Variants in CRAMP1 observed in about 807,000 individuals in gnomAD.
CRAMP1 encodes the protein cramped chromatin regulator 1.
A neutral mutation model predicts 115.4 loss-of-function variants in CRAMP1; 50 were observed. The ratio of observed to expected loss-of-function variants is 0.43; its 90% CI spans 0.35 to 0.55. CRAMP1 has a LOEUF of 0.55. CRAMP1 is among the 20% of genes least tolerant of loss of function. CRAMP1 has a pLI of 0.01. For synonymous variants in CRAMP1, 866 were observed against 745.4 expected, an observed-to-expected ratio of 1.16 and a Z score of -2.64; for missense variants, 1,679 against 1,721.7, an observed-to-expected ratio of 0.98 and a Z score of 0.44.
intron 4 of CRAMP1, among the ~76,000 whole-genome samples, chr16:1,633,147 C>G (rs1484537334): frequency 6.6e-6 from 1 of 152,242 alleles, no homozygotes; most frequent in Non-Finnish European, 1.5e-5. Flanking sequence ...CACTGCCACT[C>G]TTTGTGCCCT....
Position 1,666,546 on chromosome 16 carries a change from G to A in CRAMP1, c.2982G>A (p.Ser994=), listed in dbSNP as rs764071385. The change falls in exon 16 of 21, where the codon TCG becomes TCA. Residue 994 remains serine, a synonymous_variant. Coordinates refer to ENST00000397412, the MANE Select transcript of CRAMP1 (RefSeq NM_020825.4). This position sits in a 1 kb window ranked among gnomAD's most constrained non-coding sequence, Gnocchi z 5.0. ...CAGACGAGGTGACGGGTGCCATCTC[G>A]GGGCAGGACTCTACTGGAACTCACC... The part of the protein sequence containing the change: ...LSSDEVTGAI[S]GQDSTGTHQD... 9 of 1,613,932 alleles carry A rather than the reference G, an allele frequency of 5.6e-6. No homozygotes were observed. Among genetic ancestry groups the A allele is most frequent in the East Asian group, 4.5e-5 (2 of 44,868 alleles).
chr16:1,617,933 T>A (rs1194776246), intron 2 of CRAMP1, among the ~76,000 whole-genome samples: 1 of 152,236 alleles, frequency 6.6e-6, no homozygotes, highest in Non-Finnish European at 1.5e-5. Context: ...TGAAGTAGAT[T>A]GTTTAAGTCA....
intron 9 of CRAMP1, 147 bp downstream of exon 9, chr16:1,655,447 C>A (rs898531583): frequency 1.4e-6 from 1 of 712,838 alleles, no homozygotes; most frequent in East Asian, 2.7e-5. Flanking sequence ...GGAACCATAA[C>A]CTGGAGCCCC....
At chr16:1,660,101 G>T (rs987284355) in intron 11 of CRAMP1, 38 bp downstream of exon 11, 2 of 1,468,236 alleles carry the variant, frequency 1.4e-6, no homozygotes, top group African/African-American at 2.8e-5. Flanking sequence ...TGCCTGGGCT[G>T]CCCTGATGGC....
rs369839979 is a variant in CRAMP1 at position 1,672,469 on chromosome 16, G to A, written c.3646-1412G>A. Among the ~76,000 whole-genome samples the A allele has an allele frequency of 6.6e-6, 1 of 152,112 alleles. No homozygotes were observed. Among genetic ancestry groups the A allele is most frequent in the South Asian group, 2.1e-4 (1 of 4,826 alleles). ...GTGGTAGGGCTAGCATGAAGGGGGC[G>A]GGGGTGGAGCTGGGTGGCCCTGGGA... On this transcript the variant is annotated intron_variant, in intron 20 of 20. Coordinates refer to ENST00000397412, the MANE Select transcript of CRAMP1 (RefSeq NM_020825.4). The surrounding 1 kb of genome is among the most constrained non-coding windows in gnomAD (Gnocchi z 4.9).
In CRAMP1 at chr16:1,656,686, G is replaced by T; in HGVS notation, c.1929G>T (p.Lys643Asn). The T allele has an allele frequency of 1.9e-6, 3 of 1,565,274 alleles. No homozygotes were observed. The highest frequency in any genetic ancestry group is 1.9e-5 in the Admixed American group (1 of 52,866). Residue 643 changes from lysine (K) to asparagine (N), a missense_variant, in exon 10 of 21, where the codon AAG (lysine) becomes AAT (asparagine). Around this residue, in one of 8 missense-constraint regions of CRAMP1, gnomAD observed 405 missense variants for 302.6 expected, o/e 1.34. Transcript: ENST00000397412. The surrounding 1 kb of genome is among the most constrained non-coding windows in gnomAD (Gnocchi z 5.6). The part of the protein sequence containing the change: ...ADAPAEELQE[K>N]GSPAGPPPSQ... ...CACCTGCGGAGGAGCTCCAGGAGAA[G>T]GGGAGCCCCGCGGGGCCTCCGCCGT...
In CRAMP1 at chr16:1,633,389, G is replaced by A. The variant is rs1003615280; in HGVS notation, c.694+1024G>A. Among the ~76,000 whole-genome samples, 6 of 152,230 alleles carry A rather than the reference G, an allele frequency of 3.9e-5. No individual in the cohort carries two copies. In the South Asian group the frequency reaches 6.2e-4, roughly 16 times the overall value. ...GAACCTCCACTGGGAGATTGTCACC[G>A]TTTCTGGAGATCCATGGAAACGGCT... On this transcript the variant is annotated intron_variant, in intron 4 of 20. Coordinates refer to ENST00000397412, the MANE Select transcript of CRAMP1 (RefSeq NM_020825.4).
rs903823727 is a variant in CRAMP1, at chr16:1,656,892, G to T, written c.2135G>T (p.Arg712Leu). The T allele has an allele frequency of 6.4e-7, 1 of 1,551,336 alleles. No individual in the cohort carries two copies. The highest frequency in any genetic ancestry group is 8.7e-7 in the Non-Finnish European group (1 of 1,147,712). The change falls in exon 10 of 21, where the codon CGC becomes CTC. Residue 712 changes from arginine to leucine, a missense_variant. This residue lies in a region of CRAMP1 where 709 missense variants were observed against 741.9 expected (regional missense o/e 0.96). Coordinates refer to ENST00000397412, the MANE Select transcript of CRAMP1 (RefSeq NM_020825.4). This position sits in a 1 kb window ranked among gnomAD's most constrained non-coding sequence, Gnocchi z 5.6. ...GAGTACGACTGGCTGGGGCCCGGCC[G>T]CCAGGACCCCCGCCCCGGCTCCCTA... is the stretch of plus-strand genomic sequence containing the variant. ...QLEYDWLGPG[R>L]QDPRPGSLPT... is the part of the protein sequence containing the mutation.
At chr16:1,624,844 A>G (rs1246514030) in intron 2 of CRAMP1, among the ~76,000 whole-genome samples, 1 of 152,092 alleles carries the variant, frequency 6.6e-6, no homozygotes, top group Non-Finnish European at 1.5e-5. Context: ...AGCCTCCCAC[A>G]GTGCTGGGAT....
intron 5 of CRAMP1, among the ~76,000 whole-genome samples, chr16:1,640,837 C>T (rs1452710188): frequency 6.6e-6 from 1 of 152,092 alleles, no homozygotes; most frequent in Non-Finnish European, 1.5e-5. Context: ...GCTGGGGGAC[C>T]TAGGAGGGAG....
intron 6 of CRAMP1, 53 bp from the exon 7 acceptor site, chr16:1,652,443 C>CAA: frequency 6.7e-7 from 1 of 1,485,550 alleles, no homozygotes; most frequent in Non-Finnish European, 9.2e-7. Flanking sequence ...CTGGCCCTTC[C>CAA]GTCCTTCTGT....
chr16:1,659,871 C>T lies in CRAMP1; in HGVS notation c.2236-15C>T. On this transcript the variant is annotated splice_polypyrimidine_tract_variant and intron_variant, in intron 10 of 20. Transcript: ENST00000397412. The stretch of plus-strand genomic sequence containing the variant: ...GTGCTGAGTTTGGACATTGTTTGGC[C>T]CATTTCTGTCCTAGGCTCTGGAAGC... The T allele has an allele frequency of 6.2e-7, 1 of 1,612,726 alleles. No individual in the cohort carries two copies. The highest frequency in any genetic ancestry group is 8.5e-7 in the Non-Finnish European group (1 of 1,179,376).
Position 1,614,590 on chromosome 16 carries a change from T to C in CRAMP1, c.-1-49T>C. 1.0e-5 allele frequency: 12 copies of C among 1,164,450 alleles called. No individual in the cohort carries two copies. Among genetic ancestry groups the C allele is most frequent in the Non-Finnish European group, 1.3e-5 (12 of 928,782 alleles). The allele number at this position is 1,164,450 out of a possible 1,614,324, so 72.1% of individuals were successfully genotyped here. On this transcript the variant is annotated intron_variant, in intron 1 of 20. Coordinates refer to ENST00000397412, the MANE Select transcript of CRAMP1 (RefSeq NM_020825.4). The surrounding 1 kb of genome is among the most constrained non-coding windows in gnomAD (Gnocchi z 4.4). The stretch of plus-strand genomic sequence containing the variant: ...GAGAGCGCGTCGGGGCCGCTAAACT[T>C]CCCGGCCTGCGCCCGCCTCACCGGC...
intron 2 of CRAMP1, among the ~76,000 whole-genome samples, chr16:1,620,485 G>A (rs899099050): frequency 1.3e-5 from 2 of 152,148 alleles, no homozygotes; most frequent in Non-Finnish European, 2.9e-5. Flanking sequence ...TGACTCCCTC[G>A]CAGTTGGTGT....
rs1485041037 is a variant in CRAMP1, at chr16:1,674,675, C to CTT, written c.*631_*632dup. ...CCTCCCTAGAGGTTTTGTTCGTACT[C>CTT]TTAACAGGGAGTGGGGGCAGGAAGA... On this transcript the variant is annotated 3_prime_UTR_variant, in exon 21 of 21. Coordinates refer to ENST00000397412, the MANE Select transcript of CRAMP1 (RefSeq NM_020825.4). The CTT allele has an allele frequency of 1.9e-5, 3 of 156,006 alleles. No homozygotes were observed. The highest frequency in any genetic ancestry group is 7.2e-5 in the African/African-American group (3 of 41,438). The allele number at this position is 156,006 out of a possible 1,614,324, so 9.7% of individuals were successfully genotyped here.
At chr16:1,646,939 A>G in intron 6 of CRAMP1, 1 of 654,804 alleles carries the variant, frequency 1.5e-6, no homozygotes. Flanking sequence ...ATCCTTGTCA[A>G]ACATCAGTTG....
chr16:1,638,889 G>C (rs565747743), intron 5 of CRAMP1, among the ~76,000 whole-genome samples: 2 of 152,006 alleles, frequency 1.3e-5, no homozygotes, highest in Admixed American at 1.3e-4. Context: ...GGGAGGCCCT[G>C]CCCTCCTGCA....
At chr16:1,639,809 A>G (rs1026673657) in intron 5 of CRAMP1, among the ~76,000 whole-genome samples, 1 of 152,166 alleles carries the variant, frequency 6.6e-6, no homozygotes, top group Non-Finnish European at 1.5e-5. Context: ...TTTGTTACTT[A>G]GGTGTGGAAA....
intron 8 of CRAMP1, 49 bp downstream of exon 8, chr16:1,653,205 C>G: frequency 6.3e-7 from 1 of 1,580,126 alleles, no homozygotes; most frequent in Non-Finnish European, 8.6e-7. Context: ...TTGAGCAGGA[C>G]TGGAAGCAAC....
Sources: gnomAD v4.1 joint callset for allele counts (sites outside exome capture counted in the v4.1 genomes callset) on GRCh38, gnomAD v4.1.1 for gene constraint, gnomAD v4.1.1 regional missense constraint, Gnocchi (gnomAD v3.1) non-coding constraint, MANE v1.5 for transcripts, NCBI Gene and HGNC (gene_info 2026-07-23, HGNC 2026-07-21) for gene names.